The following ARB2A variants were observed in gnomAD, a reference collection of about 807,000 sequenced individuals.
The protein encoded by ARB2A is cotranscriptional regulator ARB2A.
At chr5:94,106,020 T>G in the ARB2A span, among the ~76,000 whole-genome samples, 1 of 152,020 alleles carries the variant, frequency 6.6e-6, no homozygotes, top group South Asian at 2.1e-4. Flanking sequence ...AGCCTTAAAC[T>G]ATAAAAACTC....
chr5:93,768,336 A>G, the ARB2A span, among the ~76,000 whole-genome samples: 5 of 151,688 alleles, frequency 3.3e-5, no homozygotes, highest in Admixed American at 6.6e-5. Flanking sequence ...CTGTACCCCA[A>G]TAACCTATGG....
chr5:93,807,031 C>A, the ARB2A span, among the ~76,000 whole-genome samples: 11 of 151,918 alleles, frequency 7.2e-5, no homozygotes, highest in South Asian at 2.1e-4. Flanking sequence ...CCAAAAGTAA[C>A]CTTTTTGTAA....
the ARB2A span, among the ~76,000 whole-genome samples, chr5:93,983,791 A>C: frequency 6.6e-6 from 1 of 152,200 alleles, no homozygotes; most frequent in Admixed American, 6.5e-5. Flanking sequence ...ATCACTTCGA[A>C]AGTACTTCTG....
At chr5:93,915,130 T>C in the ARB2A span, among the ~76,000 whole-genome samples, 117 of 152,112 alleles carry the variant, frequency 7.7e-4, no homozygotes, top group African/African-American at 2.3e-3. Context: ...CTTTCTACTT[T>C]GGTGTTCTGC....
At chr5:94,096,624 C>G in the ARB2A span, among the ~76,000 whole-genome samples, 33 of 152,234 alleles carry the variant, frequency 2.2e-4, no homozygotes, top group African/African-American at 7.7e-4. Flanking sequence ...CAAAGCAAAG[C>G]TTGGTCCATT....
chr5:93,712,668 T>C, the ARB2A span, among the ~76,000 whole-genome samples: 257 of 152,182 alleles, frequency 1.7e-3, 1 homozygote, highest in African/African-American at 5.2e-3. Context: ...AAAATTGAAA[T>C]AAGAAAAGAA....
the ARB2A span, among the ~76,000 whole-genome samples, chr5:93,691,045 T>TACCA: frequency 6.6e-6 from 1 of 151,826 alleles, no homozygotes; most frequent in South Asian, 2.1e-4. Context: ...AGACCAAAGG[T>TACCA]ACATAAATCC....
At chr5:93,943,418 A>G in the ARB2A span, among the ~76,000 whole-genome samples, 15 of 152,124 alleles carry the variant, frequency 9.9e-5, no homozygotes, top group Non-Finnish European at 1.6e-4. Flanking sequence ...AGTGCCAAGT[A>G]ATTTTCATAT....
At chr5:93,942,649 A>G in the ARB2A span, among the ~76,000 whole-genome samples, 2 of 151,728 alleles carry the variant, frequency 1.3e-5, no homozygotes, top group Non-Finnish European at 2.9e-5. Flanking sequence ...CACAATAATC[A>G]TATTTCATGA....
At chr5:93,761,757 C>T in the ARB2A span, among the ~76,000 whole-genome samples, 1 of 152,196 alleles carries the variant, frequency 6.6e-6, no homozygotes, top group Non-Finnish European at 1.5e-5. Context: ...CAGACTGCCT[C>T]CTCAAGTGGG....
At chr5:93,637,365 T>G in the ARB2A span, among the ~76,000 whole-genome samples, 4 of 150,058 alleles carry the variant, frequency 2.7e-5, no homozygotes, top group African/African-American at 9.7e-5. Flanking sequence ...TTTTTTTTTT[T>G]TTTTTTTTTT....
At chr5:93,795,772 C>T in the ARB2A span, among the ~76,000 whole-genome samples, 4 of 150,854 alleles carry the variant, frequency 2.7e-5, no homozygotes, top group African/African-American at 4.9e-5. Flanking sequence ...TATTAACCCA[C>T]TAAATGTTGG....
the ARB2A span, among the ~76,000 whole-genome samples, chr5:94,012,198 C>T: frequency 2.0e-5 from 3 of 152,184 alleles, no homozygotes; most frequent in South Asian, 6.2e-4. Context: ...GTCAGGAGAT[C>T]AAGACCATCC....
the ARB2A span, among the ~76,000 whole-genome samples, chr5:93,929,728 T>C: frequency 6.6e-6 from 1 of 152,124 alleles, no homozygotes; most frequent in Non-Finnish European, 1.5e-5. Context: ...TCAGAAGCAT[T>C]CCCAAGACAA....
At chr5:93,995,594 A>C in the ARB2A span, among the ~76,000 whole-genome samples, 1 of 152,314 alleles carries the variant, frequency 6.6e-6, no homozygotes, top group African/African-American at 2.4e-5. Context: ...GAGAAGGCTA[A>C]TAGCTAAGTT....
At chr5:94,063,562 T>C in the ARB2A span, among the ~76,000 whole-genome samples, 14 of 152,102 alleles carry the variant, frequency 9.2e-5, no homozygotes, top group Middle Eastern at 0.01. Flanking sequence ...AACAATCAAC[T>C]GCAATAGACT....
the ARB2A span, among the ~76,000 whole-genome samples, chr5:93,667,298 T>C: frequency 6.6e-6 from 1 of 152,272 alleles, no homozygotes; most frequent in East Asian, 1.9e-4. Context: ...TGTTTAGTAG[T>C]TGTAGAAGTC....
chr5:94,087,658 T>C, the ARB2A span, among the ~76,000 whole-genome samples: 5 of 152,200 alleles, frequency 3.3e-5, no homozygotes, highest in Admixed American at 6.5e-5. Flanking sequence ...ACCACTCACT[T>C]ACTCACTCAG....
At chr5:93,900,613 C>CAAA in the ARB2A span, among the ~76,000 whole-genome samples, 1 of 65,414 alleles carries the variant, frequency 1.5e-5, no homozygotes, top group African/African-American at 6.1e-5. Context: ...GACGCTGTCT[C>CAAA]AAAAAAAAAA....
Sources: gnomAD v4.1 joint callset for allele counts (sites outside exome capture counted in the v4.1 genomes callset) on GRCh38, gnomAD v4.1.1 for gene constraint, MANE v1.5 for transcripts, NCBI Gene and HGNC (gene_info 2026-07-23, HGNC 2026-07-21) for gene names.